FIGN: variants seen among roughly 807,000 people sequenced by gnomAD.
FIGN encodes fidgetin, microtubule severing factor, also known as fidgetin.
Under a neutral mutation model 51.3 loss-of-function variants are expected in FIGN, and 11 were observed. The observed-to-expected ratio is 0.21, with a 90% CI of 0.13 to 0.35. FIGN has a LOEUF of 0.35. Ranked by LOEUF, FIGN falls within the 10% of genes least tolerant of loss-of-function variation. FIGN has a pLI of 1.00. For missense variants in FIGN, 857 were observed against 943.6 expected, an observed-to-expected ratio of 0.91 and a Z score of 1.20; for synonymous variants, 407 against 363.2, an observed-to-expected ratio of 1.12 and a Z score of -1.37.
At chr2:163,713,947 T>C (rs1360652455) in intron 2 of FIGN, among the ~76,000 whole-genome samples, 1 of 152,176 alleles carries the variant, frequency 6.6e-6, no homozygotes, top group East Asian at 1.9e-4. Context: ...TTACATACCA[T>C]CACAAGCTCT....
chr2:163,664,670 G>A (rs1226772325), intron 2 of FIGN, among the ~76,000 whole-genome samples: 5 of 152,144 alleles, frequency 3.3e-5, no homozygotes, highest in Non-Finnish European at 7.3e-5. Flanking sequence ...ATGAAACAGC[G>A]CTGCCCTAGC....
intron 2 of FIGN, among the ~76,000 whole-genome samples, chr2:163,628,333 C>T (rs1683089104): frequency 6.6e-6 from 1 of 152,104 alleles, no homozygotes. Flanking sequence ...GAGGAGGTTT[C>T]CTGCCCTTGA....
Position 163,660,798 on chromosome 2 carries a change from GATATACATATATATAC to G in FIGN, c.26-49008_26-48993del, listed in dbSNP as rs1254522824. ...ACACATATACATATATATGTATATA[GATATACATATATATAC>G]ATATACATATATATGTATACATATA... On this transcript the variant is annotated intron_variant, in intron 2 of 2. Coordinates refer to ENST00000333129, the MANE Select transcript of FIGN (RefSeq NM_018086.4). Among the ~76,000 whole-genome samples the G allele has an allele frequency of 9.4e-4, 12 of 12,802 alleles. 1 individual carries two copies. The highest frequency in any genetic ancestry group is 2.4e-3 in the Non-Finnish European group (12 of 4,952). 8.4% of individuals were successfully genotyped at this position (12,802 alleles called of 152,430 possible).
At chr2:163,666,464 G>T (rs928451600) in intron 2 of FIGN, among the ~76,000 whole-genome samples, 8 of 152,138 alleles carry the variant, frequency 5.3e-5, no homozygotes, top group Non-Finnish European at 1.2e-4. Context: ...TGAGGGGTAG[G>T]TCAAGATGAT....
At chr2:163,631,776 C>A (rs1683149534) in intron 2 of FIGN, among the ~76,000 whole-genome samples, 1 of 152,192 alleles carries the variant, frequency 6.6e-6, no homozygotes, top group African/African-American at 2.4e-5. Context: ...TTCGCAGCTA[C>A]ATCTCCAGTG....
intron 2 of FIGN, among the ~76,000 whole-genome samples, chr2:163,638,637 T>G (rs1174991855): frequency 1.3e-5 from 2 of 152,216 alleles, no homozygotes; most frequent in African/African-American, 2.4e-5. Flanking sequence ...TTTCAGTTAC[T>G]AATCTTGTAA....
chr2:163,656,028 A>G (rs1001153360), intron 2 of FIGN, among the ~76,000 whole-genome samples: 3 of 152,220 alleles, frequency 2.0e-5, no homozygotes, highest in African/African-American at 7.2e-5. Flanking sequence ...TTTGAATTAA[A>G]CGACTGAGAT....
At chr2:163,708,141 G>T (rs1190854701) in intron 2 of FIGN, among the ~76,000 whole-genome samples, 1 of 152,100 alleles carries the variant, frequency 6.6e-6, no homozygotes, top group African/African-American at 2.4e-5. Context: ...TGATAGAATA[G>T]TTAGAAAATT....
intron 2 of FIGN, chr2:163,617,322 T>G: frequency 1.4e-6 from 1 of 739,268 alleles, no homozygotes; most frequent in Non-Finnish European, 1.7e-6. Flanking sequence ...TGTCAAATTT[T>G]AAATTTAGTC....
chr2:163,617,461 G>C (rs1682899502), intron 2 of FIGN, among the ~76,000 whole-genome samples: 1 of 152,098 alleles, frequency 6.6e-6, no homozygotes, highest in Non-Finnish European at 1.5e-5. Context: ...TCCAAAATTA[G>C]ACTCTTTGAT....
At chr2:163,650,714 A>C (rs1683460133) in intron 2 of FIGN, among the ~76,000 whole-genome samples, 1 of 152,064 alleles carries the variant, frequency 6.6e-6, no homozygotes, top group Non-Finnish European at 1.5e-5. Context: ...TCCTATCTCT[A>C]AGGAGGCATG....
At chr2:163,666,564 T>C (rs1427653520) in intron 2 of FIGN, among the ~76,000 whole-genome samples, 2 of 152,192 alleles carry the variant, frequency 1.3e-5, no homozygotes, top group East Asian at 3.8e-4. Flanking sequence ...TCTGGACCTC[T>C]ATTTTCTCAA....
chr2:163,644,274 T>G (rs1036773685), intron 2 of FIGN, among the ~76,000 whole-genome samples: 1 of 152,120 alleles, frequency 6.6e-6, no homozygotes, highest in Non-Finnish European at 1.5e-5. Context: ...TGGCATTAAT[T>G]TGAATAGACA....
intron 2 of FIGN, among the ~76,000 whole-genome samples, chr2:163,652,577 T>C (rs1263068976): frequency 6.6e-6 from 1 of 152,108 alleles, no homozygotes; most frequent in African/African-American, 2.4e-5. Context: ...CATTTAAACA[T>C]TTATACAGTC....
chr2:163,679,166 T>C (rs1684018404), intron 2 of FIGN, among the ~76,000 whole-genome samples: 1 of 152,114 alleles, frequency 6.6e-6, no homozygotes, highest in Non-Finnish European at 1.5e-5. Flanking sequence ...TTACTGGCTC[T>C]TAAAGTCTGG....
chr2:163,697,787 C>G (rs1684346874), intron 2 of FIGN, among the ~76,000 whole-genome samples: 1 of 152,134 alleles, frequency 6.6e-6, no homozygotes, highest in Non-Finnish European at 1.5e-5. Context: ...AAGAGTTATA[C>G]CTTGAGGTTG....
intron 2 of FIGN, among the ~76,000 whole-genome samples, chr2:163,615,160 T>C (rs976349831): frequency 3.9e-5 from 6 of 152,182 alleles, no homozygotes; most frequent in African/African-American, 1.4e-4. Context: ...AATTGAAAGA[T>C]TATTTATTGA....
chr2:163,614,927 T>G (rs1442338942), intron 2 of FIGN, among the ~76,000 whole-genome samples: 2 of 152,184 alleles, frequency 1.3e-5, no homozygotes. Context: ...TTTTAATAAG[T>G]TATAATCACT....
At chr2:163,723,659 AT>A (rs1010714572) in intron 2 of FIGN, among the ~76,000 whole-genome samples, 12 of 152,190 alleles carry the variant, frequency 7.9e-5, no homozygotes, top group African/African-American at 2.9e-4. Context: ...GGAAAAAAGT[AT>A]TGCTTTCAGT....
Sources: gnomAD v4.1 joint callset for allele counts (sites outside exome capture counted in the v4.1 genomes callset) on GRCh38, gnomAD v4.1.1 for gene constraint, MANE v1.5 for transcripts, NCBI Gene and HGNC (gene_info 2026-07-23, HGNC 2026-07-21) for gene names.